The following RINT1 variants were observed in gnomAD, a reference collection of about 807,000 sequenced individuals.
The protein encoded by RINT1 is RAD50-interacting protein 1.
Under a neutral mutation model 97.7 loss-of-function variants are expected in RINT1, and 75 were observed. That is an observed-to-expected ratio of 0.77 (90% CI 0.64 to 0.93). The LOEUF (loss-of-function observed/expected upper bound fraction) is 0.93, where lower values mean the gene tolerates loss of function less well. Ranked by LOEUF, RINT1 falls within the 40% of genes least tolerant of loss-of-function variation. The pLI, the probability that RINT1 is intolerant of heterozygous loss-of-function variation, is 0.00. For synonymous variants in RINT1, 303 were observed against 326.3 expected (o/e 0.93, Z 0.77); for missense variants, 892 against 925.2 (o/e 0.96, Z 0.47).
Position 105,534,196 on chromosome 7 carries a change from A to G in RINT1, c.88+1327A>G, listed in dbSNP as rs139383245. Among the ~76,000 whole-genome samples the G allele has an allele frequency of 5.2e-4, 79 of 151,960 alleles. 1 individual carries two copies. Among genetic ancestry groups the G allele is most frequent in the Non-Finnish European group, 9.7e-4 (66 of 67,982 alleles). On this transcript the variant is annotated intron_variant, in intron 2 of 14. Coordinates refer to ENST00000257700, the MANE Select transcript of RINT1 (RefSeq NM_021930.6). ...GTAATTCCCCTGCCTCGGCCTCCTC[A>G]GTAGCTGGGATTACTGGTGCCCGCC...
At chr7:105,565,699 G>A (rs1791696863) in intron 14 of RINT1, 51 bp downstream of exon 14, 8 of 1,233,600 alleles carry the variant, frequency 6.5e-6, no homozygotes, top group Non-Finnish European at 9.4e-6. Context: ...TGTTACAGGA[G>A]GCTAACTCCT....
intron 2 of RINT1, among the ~76,000 whole-genome samples, chr7:105,534,320 C>T (rs1315034153): frequency 3.3e-5 from 5 of 152,064 alleles, no homozygotes; most frequent in South Asian, 4.1e-4. Context: ...CCACCGTCCT[C>T]GGCCTTCCAA....
rs572859596 is a variant in RINT1 at position 105,551,557 on chromosome 7, G to C, written c.1334-13G>C. On this transcript the variant is annotated splice_polypyrimidine_tract_variant and intron_variant, in intron 9 of 14. Coordinates refer to ENST00000257700, the MANE Select transcript of RINT1 (RefSeq NM_021930.6). ...ACTACTTAATTGACATAATTGTTTT[G>C]TCTGCTTATCAGTTGCTCTTCAAAA... The C allele has an allele frequency of 6.4e-7, 1 of 1,571,898 alleles. No homozygotes were observed. The highest frequency in any genetic ancestry group is 1.4e-5 in the African/African-American group (1 of 73,200).
chr7:105,558,307 A>T (rs937718740), intron 11 of RINT1, among the ~76,000 whole-genome samples: 15 of 148,990 alleles, frequency 1.0e-4, no homozygotes, highest in African/African-American at 2.7e-4. Context: ...AAAAAAAAAA[A>T]AATAAAGTCA....
At chr7:105,535,596 A>G (rs1280198413) in intron 2 of RINT1, 1 of 454,620 alleles carries the variant, frequency 2.2e-6, no homozygotes, top group Non-Finnish European at 4.4e-6. Flanking sequence ...TCTGCTGTCC[A>G]GGCTGGAATG....
intron 3 of RINT1, among the ~76,000 whole-genome samples, chr7:105,539,833 T>C (rs1790386211): frequency 6.6e-6 from 1 of 152,214 alleles, no homozygotes; most frequent in Admixed American, 6.5e-5. Context: ...CTGTCTATTT[T>C]ATTGCATTAA....
intron 6 of RINT1, 96 bp from the exon 7 acceptor site, chr7:105,548,458 C>A (rs1017394716): frequency 2.7e-6 from 3 of 1,104,202 alleles, no homozygotes; most frequent in East Asian, 2.4e-5. Context: ...GTATCTGATA[C>A]ATTTGTTGGA....
chr7:105,550,550 T>C (rs2133403246), intron 9 of RINT1, 64 bp downstream of exon 9: 2 of 1,235,228 alleles, frequency 1.6e-6, no homozygotes, highest in East Asian at 4.7e-5. Context: ...ACATTTTTGA[T>C]ATTTTTCTTC....
intron 1 of RINT1, among the ~76,000 whole-genome samples, 168 bp downstream of exon 1, chr7:105,532,525 C>A (rs1790075627): frequency 6.6e-6 from 1 of 152,148 alleles, no homozygotes; most frequent in East Asian, 1.9e-4. Flanking sequence ...GGCGGTAGTC[C>A]CCGTGAAGTG....
At chr7:105,554,231 C>T (rs1791074151) in intron 10 of RINT1, among the ~76,000 whole-genome samples, 1 of 151,314 alleles carries the variant, frequency 6.6e-6, no homozygotes, top group Non-Finnish European at 1.5e-5. Context: ...GACAGGGTTT[C>T]ACTGTGTTAG....
At chr7:105,537,386 TCC>T (rs1209328939) in intron 3 of RINT1, among the ~76,000 whole-genome samples, 1 of 151,162 alleles carries the variant, frequency 6.6e-6, no homozygotes, top group Admixed American at 6.6e-5. Flanking sequence ...TGCCTTGGCC[TCC>T]CATAGTTCCG....
chr7:105,544,122 A>G (rs12672247), intron 4 of RINT1, among the ~76,000 whole-genome samples: 90,735 of 151,598 alleles, frequency 0.6, 28,484 homozygotes, highest in East Asian at 0.75. Context: ...AAAAAAAACA[A>G]AAAAACTTTG....
At chr7:105,554,663 C>T (rs1056888629) in intron 10 of RINT1, among the ~76,000 whole-genome samples, 1 of 152,016 alleles carries the variant, frequency 6.6e-6, no homozygotes, top group Non-Finnish European at 1.5e-5. Context: ...TAGTCTTGAA[C>T]TCCTGACCTC....
chr7:105,547,474 G>A lies in RINT1; in HGVS notation c.839+141G>A, dbSNP rs914420935. 24 of 790,726 alleles carry A rather than the reference G, an allele frequency of 3.0e-5. No homozygotes were observed. The African/African-American group carries it at 3.3e-4, about 11-fold the overall frequency. 49.0% of individuals were successfully genotyped at this position (790,726 alleles called of 1,614,324 possible). On this transcript the variant is annotated intron_variant, in intron 6 of 14. Coordinates refer to ENST00000257700, the MANE Select transcript of RINT1 (RefSeq NM_021930.6). ...TGGACTTGGTCTGTAAATGTCCACT[G>A]AGTGGTGGACTGTACTCTTGCAAAG... is the stretch of plus-strand genomic sequence containing the variant.
In RINT1 at chr7:105,545,526, A is replaced by G. The variant is rs570274400; in HGVS notation, c.516-1384A>G. Among the ~76,000 whole-genome samples the G allele has an allele frequency of 1.1e-4, 16 of 140,942 alleles. No homozygotes were observed. In the East Asian group the frequency reaches 3.1e-3, roughly 28 times the overall value. 92.5% of individuals were successfully genotyped at this position (140,942 alleles called of 152,430 possible). A position where few individuals can be genotyped will look rare whatever the true frequency, so the allele number is the denominator to read the frequency against. ...TTCTGTAATATTTGTATATATATAT[A>G]TATATTTTTTTTTTTTTGAGATGGA... On this transcript the variant is annotated intron_variant, in intron 4 of 14. Transcript: ENST00000257700.
chr7:105,549,642 CCTGGCCAGCAATTTTT>C (rs1199854435), intron 7 of RINT1, among the ~76,000 whole-genome samples: 1 of 152,090 alleles, frequency 6.6e-6, no homozygotes, highest in Non-Finnish European at 1.5e-5. Flanking sequence ...AGCTGCCACG[CCTGGCCAGCAATTTTT>C]TTCTTGATTT....
intron 5 of RINT1, 21 bp from the exon 6 acceptor site, chr7:105,547,163 T>C: frequency 6.2e-7 from 1 of 1,614,000 alleles, no homozygotes; most frequent in Non-Finnish European, 8.5e-7. Context: ...CTGAAATGTA[T>C]GTGTTACTTT....
chr7:105,556,517 A>T (rs1452957594), intron 11 of RINT1, among the ~76,000 whole-genome samples: 1 of 146,658 alleles, frequency 6.8e-6, no homozygotes, highest in Non-Finnish European at 1.5e-5. Context: ...AAAGGTAAGA[A>T]CTCTTTTAAA....
chr7:105,543,909 T>C (rs1326709227), intron 4 of RINT1, among the ~76,000 whole-genome samples: 1 of 150,462 alleles, frequency 6.6e-6, no homozygotes, highest in Admixed American at 6.7e-5. Context: ...ACCAACATGG[T>C]GAAACCCCGT....
Sources: allele counts gnomAD v4.1 joint callset (sites outside exome capture counted in the v4.1 genomes callset), GRCh38; gene constraint gnomAD v4.1.1; transcripts MANE v1.5; gene names NCBI Gene and HGNC (gene_info 2026-07-23, HGNC 2026-07-21).